Variants in VEZT observed in about 807,000 individuals in gnomAD.
VEZT encodes vezatin, adherens junctions transmembrane protein.
In VEZT, 39 loss-of-function variants were observed where a neutral mutation model predicts 79.9. The observed-to-expected ratio is 0.49, with a 90% CI of 0.38 to 0.64. The LOEUF (loss-of-function observed/expected upper bound fraction) is 0.64. Among genes scored for constraint, VEZT ranks in the 30% least tolerant of loss-of-function variants. The pLI, the probability that VEZT is intolerant of heterozygous loss-of-function variation, is 0.00. For missense variants in VEZT, 837 were observed against 893.1 expected (o/e 0.94, Z 0.80); for synonymous variants, 325 against 327.6 (o/e 0.99, Z 0.09).
At chr12:95,262,795 G>A (rs1465438426) in intron 3 of VEZT, 111 bp from the exon 4 acceptor site, 4 of 963,006 alleles carry the variant, frequency 4.2e-6, no homozygotes, top group Admixed American at 7.2e-5. Flanking sequence ...TCTTCTTGAA[G>A]TATCTTCTGA....
intron 3 of VEZT, 77 bp downstream of exon 3, chr12:95,257,316 T>C: frequency 8.3e-7 from 1 of 1,200,766 alleles, no homozygotes; most frequent in Non-Finnish European, 1.2e-6. Context: ...AGAATTTGTT[T>C]TGCTATCAAT....
At chr12:95,278,816 C>A (rs977225372) in intron 7 of VEZT, among the ~76,000 whole-genome samples, 2 of 152,238 alleles carry the variant, frequency 1.3e-5, no homozygotes, top group Non-Finnish European at 2.9e-5. Flanking sequence ...CGCCTGTAAT[C>A]CCAGCACTCT....
At chr12:95,285,982 CTTTTTT>C (rs869030351) in intron 8 of VEZT, among the ~76,000 whole-genome samples, 25,034 of 84,938 alleles carry the variant, frequency 0.29, 2,839 homozygotes, top group African/African-American at 0.42. Context: ...CCGACCCCTT[CTTTTTT>C]TTTTTTTTTT....
chr12:95,300,545 A>G lies in VEZT; in HGVS notation c.2212A>G (p.Thr738Ala), dbSNP rs771578430. The G allele has an allele frequency of 7.4e-6, 12 of 1,613,814 alleles. No homozygotes were observed. In the Admixed American group the frequency reaches 1.8e-4, roughly 25 times the overall value. ...ACAGCTGTCACCAGATTTTACCTTC[A>G]CTGCTGGCCTTGCTGCAGAAGTGGC... Reference protein sequence around the residue: ...RLQLSPDFTFTAGLAAEVAAR... With the variant: ...RLQLSPDFTFAAGLAAEVAAR... Residue 738 changes from threonine (T) to alanine (A), a missense_variant, in exon 12 of 12, where the codon ACT becomes GCT. Coordinates refer to ENST00000436874, the MANE Select transcript of VEZT (RefSeq NM_017599.4).
Position 95,263,066 on chromosome 12 carries a change from C to G in VEZT, c.419C>G (p.Ala140Gly), listed in dbSNP as rs767822990. The change falls in exon 4 of 12, where the codon GCA becomes GGA. Residue 140 changes from alanine (A) to glycine (G), a missense_variant. Ala to Gly is a moderately conservative substitution (Grantham distance 60). Transcript: ENST00000436874. Reference protein sequence around the residue: ...NGHLPTLCSLATPNIWDLSML... With the variant: ...NGHLPTLCSLGTPNIWDLSML... ...CACCTTCCAACACTTTGCTCCCTGG[C>G]AACCCCTAATATTTGGTACTGTCCA... 51 of 1,608,130 alleles carry G rather than the reference C, an allele frequency of 3.2e-5. No individual in the cohort carries two copies. The highest frequency in any genetic ancestry group is 1.0e-4 in the Admixed American group (6 of 59,800).
At chr12:95,271,622 T>A (rs2066617944) in intron 6 of VEZT, among the ~76,000 whole-genome samples, 1 of 152,162 alleles carries the variant, frequency 6.6e-6, no homozygotes. Context: ...TGTTGGTCAT[T>A]CAGTGAATAT....
intron 1 of VEZT, among the ~76,000 whole-genome samples, chr12:95,235,075 C>A (rs943657008): frequency 2.6e-5 from 4 of 151,900 alleles, no homozygotes; most frequent in East Asian, 1.9e-4. Context: ...ACAGACACGG[C>A]AACCATCCGA....
At chr12:95,241,975 G>A (rs75391073) in intron 1 of VEZT, among the ~76,000 whole-genome samples, 16,354 of 152,154 alleles carry the variant, frequency 0.11, 1,198 homozygotes, top group Non-Finnish European at 0.16. Context: ...ATTAAAAAGC[G>A]TAGACATTGT....
At chr12:95,278,733 G>C (rs1337768890) in intron 7 of VEZT, among the ~76,000 whole-genome samples, 1 of 152,180 alleles carries the variant, frequency 6.6e-6, no homozygotes, top group African/African-American at 2.4e-5. Context: ...AGCCTGAGGA[G>C]ACATAAATAA....
chr12:95,277,473 A>AG (rs1403862317), intron 7 of VEZT, among the ~76,000 whole-genome samples: 4 of 152,164 alleles, frequency 2.6e-5, no homozygotes, highest in African/African-American at 9.7e-5. Flanking sequence ...TAAAAAAAAA[A>AG]ATGAGGAGAA....
At chr12:95,297,073 G>A (rs75013503) in intron 11 of VEZT, 12,784 of 152,308 alleles carry the variant, frequency 0.084, 575 homozygotes, top group Middle Eastern at 0.12. Context: ...GGTGCCTGTG[G>A]GCGTACTCCC....
At position 95,284,542 on chromosome 12, in the gene VEZT, C is replaced by T. The variant is rs371261301; in HGVS notation, c.1328+1898C>T. ...GGTTTCGGAGTCATAGCAGCTCAAA[C>T]TAAAGTCCTTACAAAACATACTATA... On this transcript the variant is annotated intron_variant, in intron 8 of 11. Coordinates refer to ENST00000436874, the MANE Select transcript of VEZT (RefSeq NM_017599.4). Among the ~76,000 whole-genome samples, 6 of 152,312 alleles carry T rather than the reference C, an allele frequency of 3.9e-5. No homozygotes were observed. In the South Asian group the frequency reaches 6.2e-4, roughly 16 times the overall value.
rs1440417264 is a variant in VEZT, at chr12:95,252,834, G to A, written c.168+763G>A. ...GGAAAAATTAGCTGGGCGTGGTGGC[G>A]GGCGCCTGTAATCCCAGCTACTCGG... On this transcript the variant is annotated intron_variant, in intron 2 of 11. Coordinates refer to ENST00000436874, the MANE Select transcript of VEZT (RefSeq NM_017599.4). Among the ~76,000 whole-genome samples the A allele has an allele frequency of 4.6e-5, 7 of 152,202 alleles. No homozygotes were observed. In the East Asian group the frequency reaches 9.7e-4, roughly 21 times the overall value.
At chr12:95,270,335 G>T in intron 6 of VEZT, 147 bp downstream of exon 6, 1 of 815,708 alleles carries the variant, frequency 1.2e-6, no homozygotes, top group Non-Finnish European at 1.8e-6. Context: ...TGTTAAAACT[G>T]GAAATGCATT....
At chr12:95,291,778 T>A (rs1447361613) in intron 9 of VEZT, among the ~76,000 whole-genome samples, 2 of 152,170 alleles carry the variant, frequency 1.3e-5, no homozygotes, top group South Asian at 2.1e-4. Context: ...GTTTTTAAAA[T>A]TTTTTTAGGC....
intron 1 of VEZT, among the ~76,000 whole-genome samples, chr12:95,234,954 C>T (rs2059820041): frequency 1.3e-5 from 2 of 152,184 alleles, no homozygotes; most frequent in East Asian, 1.9e-4. Flanking sequence ...GCACATGTTT[C>T]AGAGAGCACA....
rs775643481 is a variant in VEZT at position 95,257,197 on chromosome 12, T to G, written c.216T>G (p.Phe72Leu). The stretch of plus-strand genomic sequence containing the variant: ...CTGAAACCATCAAAAGTTGGATTTT[T>G]TTTTCTCAGTGCAATAAGAAAGATG... ...KVAETIKSWIFFSQCNKKDDL... is the reference protein window; with the variant it reads ...KVAETIKSWILFSQCNKKDDL... The change falls in exon 3 of 12, where the codon TTT (phenylalanine) becomes TTG (leucine). Residue 72 changes from phenylalanine to leucine, a missense_variant. Phe to Leu is a conservative substitution (Grantham distance 22, BLOSUM62 0). Coordinates refer to ENST00000436874, the MANE Select transcript of VEZT (RefSeq NM_017599.4). The G allele has an allele frequency of 6.2e-7, 1 of 1,611,626 alleles. No homozygotes were observed. The highest frequency in any genetic ancestry group is 8.5e-7 in the Non-Finnish European group (1 of 1,178,992).
At chr12:95,287,494 G>C (rs2071275644) in intron 8 of VEZT, among the ~76,000 whole-genome samples, 170 bp from the exon 9 acceptor site, 1 of 151,956 alleles carries the variant, frequency 6.6e-6, no homozygotes. Context: ...GTGAAAAAGG[G>C]GTTTCACCAT....
At chr12:95,217,961 G>T in intron 1 of VEZT, 75 bp downstream of exon 1, 1 of 1,404,978 alleles carries the variant, frequency 7.1e-7, no homozygotes, top group Non-Finnish European at 9.4e-7. Flanking sequence ...GAAGCAAGGC[G>T]TTCCCGGGGC....
Sources: gnomAD v4.1 joint callset for allele counts (sites outside exome capture counted in the v4.1 genomes callset) on GRCh38, gnomAD v4.1.1 for gene constraint, MANE v1.5 for transcripts, NCBI Gene and HGNC (gene_info 2026-07-23, HGNC 2026-07-21) for gene names.